The following PRPS2 variants were observed in gnomAD, a reference collection of about 807,000 sequenced individuals.
PRPS2 encodes ribose-phosphate pyrophosphokinase 2.
For synonymous variants in PRPS2, 111 were observed against 115.3 expected, an observed-to-expected ratio of 0.96 and a Z score of 0.24; for missense variants, 104 against 271.5, an observed-to-expected ratio of 0.38 and a Z score of 4.34.
At chrX:12,822,198 C>T (rs1187435299) in intron 6 of PRPS2, among the ~76,000 whole-genome samples, 2 of 111,469 alleles carry the variant, frequency 1.8e-5, no homozygotes, top group South Asian at 3.8e-4. Context: ...ATGTATTGCC[C>T]GTGGCTGCTT....
At chrX:12,791,658 G>A (rs1371352291) in intron 1 of PRPS2, 39 bp downstream of exon 1, 4 of 959,068 alleles carry the variant, frequency 4.2e-6, no homozygotes, top group Non-Finnish European at 3.9e-6. Flanking sequence ...GGAGAGCGCT[G>A]GGCACGCGGC....
intron 1 of PRPS2, among the ~76,000 whole-genome samples, chrX:12,796,852 ATTTTTTTT>A (rs35240522): frequency 1.5e-4 from 5 of 34,241 alleles, no homozygotes; most frequent in African/African-American, 4.8e-4. Flanking sequence ...AGTATTTCAG[ATTTTTTTT>A]TTTTTTTTTT....
chrX:12,820,103 A>G (rs765782840), intron 5 of PRPS2, among the ~76,000 whole-genome samples: 2 of 112,675 alleles, frequency 1.8e-5, no homozygotes, highest in Non-Finnish European at 3.7e-5. Flanking sequence ...CTCTTGGAAT[A>G]TGGCCAGTCT....
chrX:12,811,755 T>C (rs768785608), intron 4 of PRPS2, among the ~76,000 whole-genome samples: 98 of 111,975 alleles, frequency 8.8e-4, no homozygotes, highest in African/African-American at 3.1e-3. Context: ...AGCTTAGAAG[T>C]AGCCCAGAAA....
intron 4 of PRPS2, among the ~76,000 whole-genome samples, chrX:12,811,562 G>C (rs933929359): frequency 9.0e-6 from 1 of 111,626 alleles, no homozygotes; most frequent in Non-Finnish European, 1.9e-5. Flanking sequence ...TAAGGGAGAA[G>C]TAGGAGAGAC....
chrX:12,793,811 T>C (rs2042530983), intron 1 of PRPS2, among the ~76,000 whole-genome samples: 2 of 112,281 alleles, frequency 1.8e-5, no homozygotes, highest in Admixed American at 1.9e-4. Flanking sequence ...TCCTCCCATT[T>C]TGCGTTTTTT....
chrX:12,791,756 G>A, intron 1 of PRPS2, 137 bp downstream of exon 1: 3 of 627,174 alleles, frequency 4.8e-6, no homozygotes, highest in Non-Finnish European at 5.8e-6. Context: ...GTGGCAACGC[G>A]GCCTCCGCGC....
Position 12,812,305 on chromosome X carries a change from A to G in PRPS2, c.530+2159A>G, listed in dbSNP as rs1033147075. ...GAGCGTCAGATGTAACTGGGTTATAATAACAGCTTTGTTACAATGTAATTC... is the reference window on the plus strand; with the variant it reads ...GAGCGTCAGATGTAACTGGGTTATAGTAACAGCTTTGTTACAATGTAATTC... On this transcript the variant is annotated intron_variant, in intron 4 of 6. Transcript: ENST00000380668. Among the ~76,000 whole-genome samples the G allele has an allele frequency of 2.7e-5, 3 of 112,113 alleles. No homozygotes were observed. In the Admixed American group the frequency reaches 2.8e-4, roughly 11 times the overall value.
rs2147226024 is a variant in PRPS2 at position 12,822,706 on chromosome X, C to T, written c.867C>T (p.Val289=). The change falls in exon 7 of 7, where the codon GTC becomes GTT. Residue 289 remains valine, a splice_region_variant and synonymous_variant. Transcript: ENST00000380668. ...DKMKHCTKIQ[V]IDISMILAEA... is the part of the protein sequence containing the mutation. Reference sequence around the variant, plus strand: ...TTGTTTTTCTCATTGGCATTTAGGTCATTGACATTTCCATGATCTTGGCCG... The same window carrying T: ...TTGTTTTTCTCATTGGCATTTAGGTTATTGACATTTCCATGATCTTGGCCG... 1 of 1,209,522 alleles carries T rather than the reference C, an allele frequency of 8.3e-7. No homozygotes were observed. Among genetic ancestry groups the T allele is most frequent in the East Asian group, 3.0e-5 (1 of 33,831 alleles).
intron 4 of PRPS2, among the ~76,000 whole-genome samples, chrX:12,819,070 G>T (rs767575574): frequency 1.2e-4 from 14 of 112,354 alleles, no homozygotes; most frequent in Non-Finnish European, 1.7e-4. Flanking sequence ...GACCTTGAAT[G>T]CAATGAAGCC....
chrX:12,816,438 A>C (rs1728378514), intron 4 of PRPS2, among the ~76,000 whole-genome samples: 2 of 110,560 alleles, frequency 1.8e-5, no homozygotes, highest in Admixed American at 1.9e-4. Context: ...AAGTAGCTGG[A>C]ACTAAAGGCG....
chrX:12,799,198 T>C lies in PRPS2; in HGVS notation c.123-9T>C. On this transcript the variant is annotated splice_polypyrimidine_tract_variant and intron_variant, in intron 1 of 6. Transcript: ENST00000380668. ...TCGATATTAACCGATGGCAGTTTTCTTTTCCTAGCGTGGAGATTGGTGAAA... is the reference window on the plus strand; with the variant it reads ...TCGATATTAACCGATGGCAGTTTTCCTTTCCTAGCGTGGAGATTGGTGAAA... 2.5e-6 allele frequency: 3 copies of C among 1,207,839 alleles called. No homozygotes were observed. Among genetic ancestry groups the C allele is most frequent in the Non-Finnish European group, 3.4e-6 (3 of 893,409 alleles).
chrX:12,816,343 C>A (rs1305553615), intron 4 of PRPS2, among the ~76,000 whole-genome samples: 1 of 111,438 alleles, frequency 9.0e-6, no homozygotes, highest in Non-Finnish European at 1.9e-5. Flanking sequence ...GCTCTGTTGC[C>A]CAGGCTGGAG....
At position 12,806,013 on chromosome X, in the gene PRPS2, T is replaced by C. The variant is rs750101512; in HGVS notation, c.307-3221T>C. On this transcript the variant is annotated intron_variant, in intron 2 of 6. Transcript: ENST00000380668. The stretch of plus-strand genomic sequence containing the variant: ...GCTTGAACCCAGGAGGCAGAGGTTG[T>C]AGTGCAGTGAGCTGAGATCTCACCA... Among the ~76,000 whole-genome samples, 10 of 108,648 alleles carry C rather than the reference T, an allele frequency of 9.2e-5. No individual in the cohort carries two copies. In the South Asian group the frequency reaches 3.2e-3, roughly 35 times the overall value. 94.3% of individuals were successfully genotyped at this position (108,648 alleles called of 115,157 possible).
At chrX:12,822,579 T>C in intron 6 of PRPS2, 125 bp from the exon 7 acceptor site, 1 of 637,170 alleles carries the variant, frequency 1.6e-6, no homozygotes, top group Non-Finnish European at 2.6e-6. Flanking sequence ...TCGGAAGTTT[T>C]GATAGCAACA....
In PRPS2 at chrX:12,820,625, A is replaced by G. The variant is rs2042670994; in HGVS notation, c.705-19A>G. ...GAATATTTGCATACCCTTAATTTTT[A>G]TCTTCTGCTGTTCTACAGGCTGCTG... On this transcript the variant is annotated intron_variant, in intron 5 of 6. Transcript: ENST00000380668. 3 of 1,193,812 alleles carry G rather than the reference A, an allele frequency of 2.5e-6. No individual in the cohort carries two copies. The highest frequency in any genetic ancestry group is 2.2e-5 in the Admixed American group (1 of 44,508).
intron 2 of PRPS2, among the ~76,000 whole-genome samples, chrX:12,803,088 A>C (rs1421332024): frequency 8.9e-6 from 1 of 112,086 alleles, no homozygotes; most frequent in Non-Finnish European, 1.9e-5. Context: ...ATGTTCTCTT[A>C]AGTGCTAGAG....
Position 12,819,537 on chromosome X carries a change from G to A in PRPS2, c.561G>A (p.Val187=), listed in dbSNP as rs948636043. The change falls in exon 5 of 7, where the codon GTG becomes GTA. Residue 187 remains valine (V), a synonymous_variant. Transcript: ENST00000380668. ...RVTSIADRLN[V]EFALIHKERK... ...CATCAATTGCAGACAGGTTGAATGTGGAATTTGCTTTGATCCACAAAGAGA... is the reference window on the plus strand; with the variant it reads ...CATCAATTGCAGACAGGTTGAATGTAGAATTTGCTTTGATCCACAAAGAGA... The A allele has an allele frequency of 5.0e-6, 6 of 1,208,310 alleles. No individual in the cohort carries two copies. In the African/African-American group the frequency reaches 1.0e-4, roughly 21 times the overall value.
At chrX:12,817,881 G>A (rs2042656231) in intron 4 of PRPS2, among the ~76,000 whole-genome samples, 1 of 111,133 alleles carries the variant, frequency 9.0e-6, no homozygotes, top group African/African-American at 3.3e-5. Flanking sequence ...GCTTGGCAGG[G>A]CCTGGGGGGA....
Sources: gnomAD v4.1 joint callset for allele counts (sites outside exome capture counted in the v4.1 genomes callset) on GRCh38, gnomAD v4.1.1 for gene constraint, MANE v1.5 for transcripts, NCBI Gene and HGNC (gene_info 2026-07-23, HGNC 2026-07-21) for gene names.